The following DNAJB2 variants were observed in gnomAD, a reference collection of about 807,000 sequenced individuals.
The protein encoded by DNAJB2 is DnaJ heat shock protein family (Hsp40) member B2, also known as dnaJ homolog subfamily B member 2.
DNAJB2 carries 19 observed loss-of-function variants against 33.3 expected under a neutral mutation model. The ratio of observed to expected loss-of-function variants is 0.57; its 90% CI spans 0.40 to 0.84. The LOEUF (loss-of-function observed/expected upper bound fraction) is 0.84. DNAJB2 is among the 40% of genes least tolerant of loss of function. The pLI is 0.00. For missense variants in DNAJB2, 368 were observed against 430.9 expected, an observed-to-expected ratio of 0.85 and a Z score of 1.29; for synonymous variants, 172 against 164.6, an observed-to-expected ratio of 1.04 and a Z score of -0.34.
rs1409816114 is a variant in DNAJB2 at position 219,281,861 on chromosome 2, C to T, written c.230-78C>T. Reference sequence around the variant, plus strand: ...TTGCAATGGAGGCTCTCTCAGGCTCCTGGCTGTGCCTTAGGTGAGGTCCCC... The same window carrying T: ...TTGCAATGGAGGCTCTCTCAGGCTCTTGGCTGTGCCTTAGGTGAGGTCCCC... On this transcript the variant is annotated intron_variant, in intron 4 of 8. Coordinates refer to ENST00000336576, the MANE Select transcript of DNAJB2 (RefSeq NM_006736.6). 5.0e-6 allele frequency: 8 copies of T among 1,606,022 alleles called. No homozygotes were observed. The African/African-American group carries it at 5.7e-5, about 11-fold the overall frequency.
At chr2:219,283,092 T>G (rs769004015) in intron 6 of DNAJB2, 41 bp from the exon 7 acceptor site, 1 of 1,611,538 alleles carries the variant, frequency 6.2e-7, no homozygotes. Context: ...CGCAGTCTTC[T>G]TCTAACCACC....
chr2:219,285,993 T>C lies in DNAJB2; in HGVS notation c.*1006T>C, dbSNP rs1254605226. 6 of 1,612,758 alleles carry C rather than the reference T, an allele frequency of 3.7e-6. No homozygotes were observed. The Admixed American group carries it at 8.3e-5, about 22-fold the overall frequency. On this transcript the variant is annotated 3_prime_UTR_variant, in exon 9 of 9. Transcript: ENST00000336576. ...GCCCCTGCTCTCTCCCCAGATGTGT[T>C]CTGAGCTGGATGCCGGGTTCCAGAA... is the stretch of plus-strand genomic sequence containing the variant.
rs758856704 is a variant in DNAJB2 at position 219,281,698 on chromosome 2, G to A, written c.176-20G>A. 16 of 1,613,754 alleles carry A rather than the reference G, an allele frequency of 9.9e-6. No individual in the cohort carries two copies. The highest frequency in any genetic ancestry group is 1.4e-5 in the Non-Finnish European group (16 of 1,180,010). On this transcript the variant is annotated intron_variant, in intron 3 of 8. Coordinates refer to ENST00000336576, the MANE Select transcript of DNAJB2 (RefSeq NM_006736.6). ...GCCCATCCCAGAGGGAGGGTGAAAT[G>A]ATCTGGTCTCTTTTTGCAGAGCACA...
At position 219,279,689 on chromosome 2, in the gene DNAJB2, T is replaced by G. The variant is rs1352654475; in HGVS notation, c.-36-109T>G. On this transcript the variant is annotated intron_variant, in intron 1 of 8. Transcript: ENST00000336576. The surrounding 1 kb of genome is among the most constrained non-coding windows in gnomAD (Gnocchi z 4.9). Reference sequence around the variant, plus strand: ...GTCACCGGCCGCAAGCAGAGCCCGGTGTGCTCCGCTTCCAACTGGGAGCGC... The same window carrying G: ...GTCACCGGCCGCAAGCAGAGCCCGGGGTGCTCCGCTTCCAACTGGGAGCGC... 1.3e-6 allele frequency: 1 copy of G among 796,280 alleles called. No individual in the cohort carries two copies. Among genetic ancestry groups the G allele is most frequent in the South Asian group, 1.7e-5 (1 of 60,032 alleles). 49.3% of individuals were successfully genotyped at this position (796,280 alleles called of 1,614,324 possible).
intron 2 of DNAJB2, 70 bp from the exon 3 acceptor site, chr2:219,280,508 C>G (rs1386414653): frequency 8.0e-7 from 1 of 1,249,088 alleles, no homozygotes; most frequent in African/African-American, 1.5e-5. Context: ...GAAAACAGGT[C>G]GTTCGGTTCC....
Position 219,283,429 on chromosome 2 carries a change from A to T in DNAJB2, c.559A>T (p.Asn187Tyr), listed in dbSNP as rs1487966162. 6 of 1,613,900 alleles carry T rather than the reference A, an allele frequency of 3.7e-6. No homozygotes were observed. Among genetic ancestry groups the T allele is most frequent in the Non-Finnish European group, 5.1e-6 (6 of 1,179,938 alleles). ...TGCTGTCTCCCACAGAATCATGGAG[A>T]ACGGGCAGGAGCGGGTGGAAGTGGA... ...RRITTRRIMENGQERVEVEED... is the reference protein window; with the variant it reads ...RRITTRRIMEYGQERVEVEED... The change falls in exon 8 of 9, where the codon AAC becomes TAC. Residue 187 changes from asparagine (N) to tyrosine (Y), a missense_variant. Coordinates refer to ENST00000336576, the MANE Select transcript of DNAJB2 (RefSeq NM_006736.6).
Position 219,285,813 on chromosome 2 carries a change from C to CG in DNAJB2, c.*831dup. On this transcript the variant is annotated 3_prime_UTR_variant, in exon 9 of 9. Coordinates refer to ENST00000336576, the MANE Select transcript of DNAJB2 (RefSeq NM_006736.6). Reference sequence around the variant, plus strand: ...TCACCCTGAAGAGGTGGGATAGGACCGGGGGACCCCAGAGGGAGGCCTAGG... The same window carrying CG: ...TCACCCTGAAGAGGTGGGATAGGACCGGGGGGACCCCAGAGGGAGGCCTAGG... 1 of 1,408,672 alleles carries CG rather than the reference C, an allele frequency of 7.1e-7. No homozygotes were observed. 87.3% of individuals were successfully genotyped at this position (1,408,672 alleles called of 1,614,324 possible).
At chr2:219,283,265 G>A (rs1486417148) in intron 7 of DNAJB2, 30 bp downstream of exon 7, 10 of 1,613,484 alleles carry the variant, frequency 6.2e-6, no homozygotes, top group Non-Finnish European at 8.5e-6. Flanking sequence ...CCATAGAGGG[G>A]TGAGAGGTCT....
At chr2:219,280,393 C>T (rs1951893319) in intron 2 of DNAJB2, among the ~76,000 whole-genome samples, 185 bp from the exon 3 acceptor site, 7 of 152,118 alleles carry the variant, frequency 4.6e-5, no homozygotes, top group Admixed American at 1.3e-4. Context: ...GCACTGGTGG[C>T]GGAGGAGAGA....
At position 219,285,201 on chromosome 2, in the gene DNAJB2, G is replaced by A. The variant is rs866357496; in HGVS notation, c.*214G>A. 2.0e-5 allele frequency: 25 copies of A among 1,248,138 alleles called. No individual in the cohort carries two copies. The East Asian group carries it at 4.0e-4, about 20-fold the overall frequency. The allele number at this position is 1,248,138 out of a possible 1,614,324, so 77.3% of individuals were successfully genotyped here. A position where few individuals can be genotyped will look rare whatever the true frequency, so the allele number is the denominator to read the frequency against. Reference sequence around the variant, plus strand: ...ATAGGTCCCTGGTGAAGCCCAGGGTGGGGGGTGTCAGGGCAGTGGAGGGGC... The same window carrying A: ...ATAGGTCCCTGGTGAAGCCCAGGGTAGGGGGTGTCAGGGCAGTGGAGGGGC... On this transcript the variant is annotated 3_prime_UTR_variant, in exon 9 of 9. Coordinates refer to ENST00000336576, the MANE Select transcript of DNAJB2 (RefSeq NM_006736.6).
chr2:219,282,807 G>T, intron 5 of DNAJB2, 30 bp from the exon 6 acceptor site: 1 of 1,533,092 alleles, frequency 6.5e-7, no homozygotes, highest in East Asian at 2.3e-5. Context: ...GTCATTACCA[G>T]ATGACTGCTA....
rs745910367 is a variant in DNAJB2, at chr2:219,285,849, A to G, written c.*862A>G. The G allele has an allele frequency of 1.1e-5, 16 of 1,479,484 alleles. No homozygotes were observed. The highest frequency in any genetic ancestry group is 4.4e-4 in the Middle Eastern group (2 of 4,586). 91.6% of individuals were successfully genotyped at this position (1,479,484 alleles called of 1,614,324 possible). A position where few individuals can be genotyped will look rare whatever the true frequency, so the allele number is the denominator to read the frequency against. ...AGAGGGAGGCCTAGGAGGGGACTGC[A>G]CCCATACTGCTTCCCTACCACAAAT... On this transcript the variant is annotated 3_prime_UTR_variant, in exon 9 of 9. Transcript: ENST00000336576.
chr2:219,279,978 AGG>A lies in DNAJB2; in HGVS notation c.65+81_65+82del. 6.6e-7 allele frequency: 1 copy of A among 1,514,108 alleles called. No individual in the cohort carries two copies. The highest frequency in any genetic ancestry group is 1.1e-5 in the South Asian group (1 of 87,812). 93.8% of individuals were successfully genotyped at this position (1,514,108 alleles called of 1,614,324 possible). A position where few individuals can be genotyped will look rare whatever the true frequency, so the allele number is the denominator to read the frequency against. On this transcript the variant is annotated intron_variant, in intron 2 of 8. Transcript: ENST00000336576. The surrounding 1 kb of genome is among the most constrained non-coding windows in gnomAD (Gnocchi z 4.9). Reference sequence around the variant, plus strand: ...TGGGGCACTTCAGAGTGACACCTGTAGGTGTCTGAGGGAACCAGGTCGTTAGA... The same window carrying A: ...TGGGGCACTTCAGAGTGACACCTGTATGTCTGAGGGAACCAGGTCGTTAGA...
chr2:219,283,930 T>G (rs1425407546), intron 8 of DNAJB2, among the ~76,000 whole-genome samples: 1 of 152,026 alleles, frequency 6.6e-6, no homozygotes, highest in Non-Finnish European at 1.5e-5. Flanking sequence ...GACGCACGAT[T>G]CCCGGAGCAG....
intron 8 of DNAJB2, among the ~76,000 whole-genome samples, chr2:219,283,999 T>C (rs1951930430): frequency 6.6e-6 from 1 of 152,260 alleles, no homozygotes; most frequent in South Asian, 2.1e-4. Context: ...CTTTCACGCC[T>C]GCTGACTCCC....
At chr2:219,282,767 A>G (rs561174749) in intron 5 of DNAJB2, 70 bp from the exon 6 acceptor site, 6 of 1,437,472 alleles carry the variant, frequency 4.2e-6, no homozygotes, top group Non-Finnish European at 4.6e-6. Context: ...ATACTTCCAG[A>G]CTTGGGCTCA....
intron 8 of DNAJB2, 73 bp from the exon 9 acceptor site, chr2:219,284,559 T>G: frequency 2.0e-6 from 3 of 1,513,732 alleles, no homozygotes; most frequent in Non-Finnish European, 2.7e-6. Context: ...TCAGGGTTGT[T>G]ACTGTGTGAG....
Position 219,281,708 on chromosome 2 carries a change from C to CT in DNAJB2, c.176-5dup, listed in dbSNP as rs1164510883. 2 of 1,613,962 alleles carry CT rather than the reference C, an allele frequency of 1.2e-6. No individual in the cohort carries two copies. Among genetic ancestry groups the CT allele is most frequent in the East Asian group, 2.2e-5 (1 of 44,880 alleles). Reference sequence around the variant, plus strand: ...GAGGGAGGGTGAAATGATCTGGTCTCTTTTTGCAGAGCACAAGCGGGAGAT... The same window carrying CT: ...GAGGGAGGGTGAAATGATCTGGTCTCTTTTTTGCAGAGCACAAGCGGGAGAT... On this transcript the variant is annotated splice_polypyrimidine_tract_variant and intron_variant, in intron 3 of 8. Transcript: ENST00000336576.
In DNAJB2 at chr2:219,286,115, CCTGGGTGGCGGGT is replaced by C; in HGVS notation, c.*1129_*1141del. On this transcript the variant is annotated 3_prime_UTR_variant, in exon 9 of 9. Coordinates refer to ENST00000336576, the MANE Select transcript of DNAJB2 (RefSeq NM_006736.6). ...ACCCATGCTGAGTGTAGAGCCGGGGCCTGGGTGGCGGGTGGGGGCCGGGTGGGAGGTGGCAGTA... is the reference window on the plus strand; with the variant it reads ...ACCCATGCTGAGTGTAGAGCCGGGGCGGGGGCCGGGTGGGAGGTGGCAGTA... 2.0e-6 allele frequency: 1 copy of C among 507,422 alleles called. No individual in the cohort carries two copies. The highest frequency in any genetic ancestry group is 1.8e-5 in the South Asian group (1 of 54,580). The allele number at this position is 507,422 out of a possible 1,614,324, so 31.4% of individuals were successfully genotyped here.
Sources: gnomAD v4.1 joint callset for allele counts (sites outside exome capture counted in the v4.1 genomes callset) on GRCh38, gnomAD v4.1.1 for gene constraint, Gnocchi (gnomAD v3.1) non-coding constraint, MANE v1.5 for transcripts, NCBI Gene and HGNC (gene_info 2026-07-23, HGNC 2026-07-21) for gene names.